AKAP11: variants seen among roughly 807,000 people sequenced by gnomAD.
The protein encoded by AKAP11 is A-kinase anchoring protein 11, also known as A-kinase anchor protein 11.
In AKAP11, 36 loss-of-function variants were observed where a neutral mutation model predicts 146.1. The observed-to-expected ratio is 0.25, with a 90% confidence interval of 0.19 to 0.33. AKAP11 has a LOEUF of 0.33. AKAP11 is among the 10% of genes least tolerant of loss of function. The pLI, the probability that AKAP11 is intolerant of heterozygous loss-of-function variation, is 1.00. For synonymous variants in AKAP11, 780 were observed against 786.5 expected (o/e 0.99, Z 0.14); for missense variants, 2,201 against 2,197.0 (o/e 1.00, Z -0.04).
At chr13:42,310,331 G>T (rs1047909371) in intron 9 of AKAP11, among the ~76,000 whole-genome samples, 1 of 152,160 alleles carries the variant, frequency 6.6e-6, no homozygotes, top group Non-Finnish European at 1.5e-5. Flanking sequence ...TGTGCTCGTT[G>T]CATATACAGT....
chr13:42,297,470 A>G (rs2138561951), intron 6 of AKAP11, among the ~76,000 whole-genome samples: 1 of 152,016 alleles, frequency 6.6e-6, no homozygotes, highest in East Asian at 1.9e-4. Context: ...GATTTCTTGA[A>G]CTACTTTTAC....
chr13:42,293,039 T>G (rs1959289656), intron 4 of AKAP11, among the ~76,000 whole-genome samples: 1 of 152,220 alleles, frequency 6.6e-6, no homozygotes, highest in South Asian at 2.1e-4. Flanking sequence ...TTGTTTGAAT[T>G]TATTATTATA....
chr13:42,303,499 C>G lies in AKAP11; in HGVS notation c.4753C>G (p.Gln1585Glu). 1 of 1,614,202 alleles carries G rather than the reference C, an allele frequency of 6.2e-7. No homozygotes were observed. The highest frequency in any genetic ancestry group is 1.3e-5 in the African/African-American group (1 of 75,060). Residue 1585 changes from glutamine to glutamate, a missense_variant, in exon 8 of 13, where the codon CAA becomes GAA. Physicochemically the swap from Gln to Glu is conservative, Grantham distance 29. Transcript: ENST00000025301. The stretch of plus-strand genomic sequence containing the variant: ...AGAAAAGTTGTCACCTCTTACAGGT[C>G]AAGCTTGCAGATACTGTGACCTTAA... ...YAEKLSPLTG[Q>E]ACRYCDLKEL...
At chr13:42,304,693 G>C (rs772051546) in intron 8 of AKAP11, among the ~76,000 whole-genome samples, 144 of 151,908 alleles carry the variant, frequency 9.5e-4, no homozygotes, top group Non-Finnish European at 3.7e-4. Flanking sequence ...TAAGAGGACA[G>C]TTCTTTCTGG....
At chr13:42,279,569 T>A (rs1959013737) in intron 1 of AKAP11, among the ~76,000 whole-genome samples, 1 of 152,196 alleles carries the variant, frequency 6.6e-6, no homozygotes, top group African/African-American at 2.4e-5. Flanking sequence ...CTTCTCCTTC[T>A]CTCCTTATGG....
rs190038440 is a variant in AKAP11, at chr13:42,277,972, A to G, written c.-100+5744A>G. On this transcript the variant is annotated intron_variant, in intron 1 of 12. Coordinates refer to ENST00000025301, the MANE Select transcript of AKAP11 (RefSeq NM_016248.4). ...AAGTGCTAAAATAGGGTAAGTGGTG[A>G]TTTTGCTCCCCAAGGAAATGTTTGG... 2.4e-3 allele frequency among the ~76,000 whole-genome samples: 358 copies of G among 152,260 alleles called. 3 individuals carry two copies. Among genetic ancestry groups the G allele is most frequent in the African/African-American group, 5.7e-3 (237 of 41,546 alleles).
intron 3 of AKAP11, 46 bp from the exon 4 acceptor site, chr13:42,292,339 T>C: frequency 8.0e-7 from 1 of 1,244,212 alleles, no homozygotes; most frequent in Non-Finnish European, 1.1e-6. Context: ...ACCCTTGTCT[T>C]AGAATTAAAT....
intron 1 of AKAP11, among the ~76,000 whole-genome samples, chr13:42,282,513 G>GT (rs747244461): frequency 6.6e-6 from 1 of 152,070 alleles, no homozygotes; most frequent in Non-Finnish European, 1.5e-5. Context: ...ATTTTAAGAA[G>GT]TGAAATAGCA....
chr13:42,294,592 C>G (rs532013978), intron 4 of AKAP11, among the ~76,000 whole-genome samples: 1 of 151,930 alleles, frequency 6.6e-6, no homozygotes, highest in Non-Finnish European at 1.5e-5. Flanking sequence ...TTAGTAGAGA[C>G]GAGGTTTCAC....
chr13:42,300,527 T>G lies in AKAP11; in HGVS notation c.1781T>G (p.Met594Arg). ...AAATTGACATCATCTGTTTTGCAGA[T>G]GGCATTTGATGAGCTGAGAAGGCAG... ...AIKLTSSVLQ[M>R]AFDELRRQRA... The change falls in exon 8 of 13, where the codon ATG becomes AGG. Residue 594 changes from methionine (M) to arginine (R), a missense_variant. Physicochemically the swap from Met to Arg is moderately conservative, Grantham distance 91 (BLOSUM62 -1). Transcript: ENST00000025301. 6.2e-7 allele frequency: 1 copy of G among 1,614,118 alleles called. No individual in the cohort carries two copies. The highest frequency in any genetic ancestry group is 8.5e-7 in the Non-Finnish European group (1 of 1,179,970).
At chr13:42,305,950 A>G (rs1019291153) in intron 8 of AKAP11, among the ~76,000 whole-genome samples, 1 of 152,168 alleles carries the variant, frequency 6.6e-6, no homozygotes. Context: ...TTTTAAAACC[A>G]TCAGCTCTCA....
chr13:42,309,500 C>T (rs1042825636), intron 9 of AKAP11, among the ~76,000 whole-genome samples: 1 of 152,116 alleles, frequency 6.6e-6, no homozygotes, highest in African/African-American at 2.4e-5. Context: ...AATGAGGTAG[C>T]ATAAGGAAAG....
At chr13:42,311,227 G>T (rs1054349974) in intron 9 of AKAP11, among the ~76,000 whole-genome samples, 1 of 152,184 alleles carries the variant, frequency 6.6e-6, no homozygotes, top group African/African-American at 2.4e-5. Context: ...CCACTGGTTG[G>T]AGTACTCCTG....
chr13:42,303,391 G>A lies in AKAP11; in HGVS notation c.4645G>A (p.Asp1549Asn), dbSNP rs1960067972. 6.2e-7 allele frequency: 1 copy of A among 1,613,804 alleles called. No individual in the cohort carries two copies. The highest frequency in any genetic ancestry group is 2.2e-5 in the East Asian group (1 of 44,892). ...AGAACAGTATGCCAAAAAAGTAGTG[G>A]ATGACACTCTAGAGCTAACTCTAGG... is the stretch of plus-strand genomic sequence containing the variant. Reference protein sequence around the residue: ...AVEQYAKKVVDDTLELTLGST... With the variant: ...AVEQYAKKVVNDTLELTLGST... The change falls in exon 8 of 13, where the codon GAT becomes AAT. Residue 1549 changes from aspartate (D) to asparagine (N), a missense_variant. This residue lies in a region of AKAP11 where 1,867 missense variants were observed against 1,833.5 expected (regional missense o/e 1.02). Coordinates refer to ENST00000025301, the MANE Select transcript of AKAP11 (RefSeq NM_016248.4).
Position 42,301,240 on chromosome 13 carries a change from T to C in AKAP11, c.2494T>C (p.Cys832Arg), listed in dbSNP as rs1195108567. The C allele has an allele frequency of 1.9e-6, 3 of 1,613,836 alleles. No individual in the cohort carries two copies. The highest frequency in any genetic ancestry group is 2.5e-6 in the Non-Finnish European group (3 of 1,179,952). ...ATKNREEKAACLRNICLPSEH... is the reference protein window; with the variant it reads ...ATKNREEKAARLRNICLPSEH... ...AAAAAACAGAGAAGAAAAAGCAGCT[T>C]GTCTCAGAAATATTTGTTTACCTTC... Residue 832 changes from cysteine to arginine, a missense_variant, in exon 8 of 13, where the codon TGT becomes CGT. Physicochemically the swap from Cys to Arg is radical, Grantham distance 180. This residue lies in a region of AKAP11 where 1,867 missense variants were observed against 1,833.5 expected (regional missense o/e 1.02). Transcript: ENST00000025301.
intron 11 of AKAP11, among the ~76,000 whole-genome samples, chr13:42,314,763 C>T (rs972868714): frequency 6.6e-5 from 10 of 152,020 alleles, no homozygotes; most frequent in Non-Finnish European, 1.3e-4. Flanking sequence ...GCTTCACTCA[C>T]GCATACACAT....
In AKAP11 at chr13:42,308,515, A is replaced by G; in HGVS notation, c.5179A>G (p.Ser1727Gly). Reference sequence around the variant, plus strand: ...TGTCAGTAGCCAGCAGATGAACCTCAGTATTGGTGATGACAGCACTGGTAG... The same window carrying G: ...TGTCAGTAGCCAGCAGATGAACCTCGGTATTGGTGATGACAGCACTGGTAG... ...ESVSSQQMNL[S>G]IGDDSTGSWS... Residue 1727 changes from serine (S) to glycine (G), a missense_variant, in exon 9 of 13, where the codon AGT becomes GGT. Physicochemically the swap from Ser to Gly is moderately conservative, Grantham distance 56. Coordinates refer to ENST00000025301, the MANE Select transcript of AKAP11 (RefSeq NM_016248.4). 6.2e-7 allele frequency: 1 copy of G among 1,613,282 alleles called. No homozygotes were observed. Among genetic ancestry groups the G allele is most frequent in the Non-Finnish European group, 8.5e-7 (1 of 1,179,372 alleles).
intron 9 of AKAP11, among the ~76,000 whole-genome samples, chr13:42,311,370 A>G (rs1594355981): frequency 1.3e-5 from 2 of 152,342 alleles, no homozygotes; most frequent in Middle Eastern, 6.8e-3. Flanking sequence ...CAGGGTGATC[A>G]TACTTCCCAC....
chr13:42,296,903 A>G, intron 5 of AKAP11, 145 bp from the exon 6 acceptor site: 1 of 510,972 alleles, frequency 2.0e-6, no homozygotes, highest in South Asian at 4.3e-5. Flanking sequence ...TTATCTGTGA[A>G]TAATAAACTG....
Sources: gnomAD v4.1 joint callset for allele counts (sites outside exome capture counted in the v4.1 genomes callset) on GRCh38, gnomAD v4.1.1 for gene constraint, gnomAD v4.1.1 regional missense constraint, MANE v1.5 for transcripts, NCBI Gene and HGNC (gene_info 2026-07-23, HGNC 2026-07-21) for gene names.